The following POU2F1 variants were observed in gnomAD, a reference collection of about 807,000 sequenced individuals.
The protein encoded by POU2F1 is POU class 2 homeobox 1.
In POU2F1, 16 loss-of-function variants were observed where a neutral mutation model predicts 84.9. The ratio of observed to expected loss-of-function variants is 0.19; its 90% CI spans 0.13 to 0.29. POU2F1 has a LOEUF of 0.29. Ranked by LOEUF, POU2F1 falls within the 10% of genes least tolerant of loss-of-function variation. The probability of loss-of-function intolerance (pLI) is 1.00; values close to 1 mark genes in which losing one functional copy is unlikely to be tolerated. For synonymous variants in POU2F1, 368 were observed against 368.3 expected (o/e 1.00, Z 0.01); for missense variants, 738 against 942.6 (o/e 0.78, Z 2.84).
In POU2F1 at chr1:167,292,804, A is replaced by G. The variant is rs184503265; in HGVS notation, c.62-39666A>G. Among the ~76,000 whole-genome samples, 23 of 152,308 alleles carry G rather than the reference A, an allele frequency of 1.5e-4. 1 individual carries two copies. In the South Asian group the frequency reaches 1.7e-3, roughly 11 times the overall value. ...CAGCAGGACATAAAAAAGACAATCC[A>G]CCATGATCAAGTAGGTCTCATCCCA... On this transcript the variant is annotated intron_variant, in intron 1 of 15. Transcript: ENST00000367866.
At chr1:167,283,496 G>C (rs1653309897) in intron 1 of POU2F1, among the ~76,000 whole-genome samples, 1 of 152,180 alleles carries the variant, frequency 6.6e-6, no homozygotes, top group Non-Finnish European at 1.5e-5. Flanking sequence ...TGGTTGGGTA[G>C]ATAGATAAAT....
intron 6 of POU2F1, 76 bp downstream of exon 6, chr1:167,374,372 T>C (rs1471359266): frequency 1.4e-6 from 2 of 1,400,644 alleles, no homozygotes; most frequent in Admixed American, 5.4e-5. Flanking sequence ...TTAGATTAAC[T>C]TTTTGATTGT....
chr1:167,266,701 G>C (rs1382024125), intron 1 of POU2F1, among the ~76,000 whole-genome samples: 2 of 147,816 alleles, frequency 1.4e-5, no homozygotes, highest in Admixed American at 6.9e-5. Flanking sequence ...TTGGCTCACT[G>C]CAATCTCCAC....
At chr1:167,254,573 T>G (rs1650990770) in intron 1 of POU2F1, among the ~76,000 whole-genome samples, 1 of 152,248 alleles carries the variant, frequency 6.6e-6, no homozygotes, top group African/African-American at 2.4e-5. Flanking sequence ...ATTTTACTCA[T>G]TGTTAACAAT....
chr1:167,234,437 G>T (rs1413096760), intron 1 of POU2F1, among the ~76,000 whole-genome samples: 1 of 152,116 alleles, frequency 6.6e-6, no homozygotes, highest in African/African-American at 2.4e-5. Context: ...TTTTTGTTAA[G>T]AATTGTATTT....
intron 7 of POU2F1, among the ~76,000 whole-genome samples, chr1:167,377,836 G>C (rs1660431861): frequency 6.6e-6 from 1 of 152,134 alleles, no homozygotes; most frequent in Non-Finnish European, 1.5e-5. Flanking sequence ...CTACCCTCAA[G>C]TAGGCCCTGG....
At chr1:167,271,516 T>A (rs2102468936) in intron 1 of POU2F1, among the ~76,000 whole-genome samples, 1 of 152,328 alleles carries the variant, frequency 6.6e-6, no homozygotes, top group Admixed American at 6.5e-5. Context: ...TGAAAAGATT[T>A]GGAGCTTTAC....
chr1:167,391,240 T>G (rs1451383376), intron 9 of POU2F1, among the ~76,000 whole-genome samples: 1 of 151,766 alleles, frequency 6.6e-6, no homozygotes, highest in African/African-American at 2.4e-5. Flanking sequence ...GCGCCCAGCC[T>G]GCAAATAATA....
At chr1:167,367,648 C>G (rs1243013905) in intron 3 of POU2F1, among the ~76,000 whole-genome samples, 1 of 152,088 alleles carries the variant, frequency 6.6e-6, no homozygotes, top group Non-Finnish European at 1.5e-5. Context: ...GAACAGTGTT[C>G]ATCTGAAAGC....
intron 1 of POU2F1, among the ~76,000 whole-genome samples, chr1:167,306,670 A>G (rs940044625): frequency 1.3e-5 from 2 of 152,138 alleles, no homozygotes; most frequent in Non-Finnish European, 2.9e-5. Flanking sequence ...AGTCCAGAAT[A>G]AGGTATTAGT....
At chr1:167,401,752 T>A (rs1649223792) in intron 13 of POU2F1, among the ~76,000 whole-genome samples, 196 bp downstream of exon 13, 2 of 152,232 alleles carry the variant, frequency 1.3e-5, no homozygotes, top group African/African-American at 4.8e-5. Flanking sequence ...CAGAAAAACC[T>A]CCAAGTTTGT....
rs1186003858 is a variant in POU2F1, at chr1:167,425,284, A to C, written c.*9474A>C. The C allele has an allele frequency of 2.0e-5, 3 of 152,094 alleles. No individual in the cohort carries two copies. The highest frequency in any genetic ancestry group is 7.2e-5 in the African/African-American group (3 of 41,422). 9.4% of individuals were successfully genotyped at this position (152,094 alleles called of 1,614,324 possible). ...TTCCAGCCAAAACCAAAGATTTCTT[A>C]ATGATTGTATAAACTCAAAACAAAC... On this transcript the variant is annotated 3_prime_UTR_variant, in exon 16 of 16. Coordinates refer to ENST00000367866, the MANE Select transcript of POU2F1 (RefSeq NM_002697.4).
intron 2 of POU2F1, among the ~76,000 whole-genome samples, chr1:167,352,459 A>G (rs1420370537): frequency 2.0e-5 from 3 of 152,224 alleles, no homozygotes; most frequent in Non-Finnish European, 4.4e-5. Flanking sequence ...ATATTTGTGA[A>G]TGAGCATTGA....
intron 1 of POU2F1, among the ~76,000 whole-genome samples, chr1:167,327,908 A>C (rs1427473311): frequency 6.6e-6 from 1 of 152,216 alleles, no homozygotes; most frequent in Non-Finnish European, 1.5e-5. Flanking sequence ...ATATAAGGAA[A>C]GAAAGGGGTA....
chr1:167,358,123 T>C (rs35860839), intron 2 of POU2F1, among the ~76,000 whole-genome samples: 3 of 118,224 alleles, frequency 2.5e-5, no homozygotes, highest in Non-Finnish European at 5.1e-5. Context: ...TTTTCTTTTC[T>C]TTTTTTTTTT....
intron 1 of POU2F1, among the ~76,000 whole-genome samples, chr1:167,287,015 G>A (rs1653576670): frequency 6.6e-6 from 1 of 152,184 alleles, no homozygotes; most frequent in African/African-American, 2.4e-5. Context: ...GCTTTGTGTT[G>A]TACTGGATCT....
intron 1 of POU2F1, among the ~76,000 whole-genome samples, chr1:167,244,926 G>C (rs555828175): frequency 1.3e-5 from 2 of 152,292 alleles, no homozygotes; most frequent in African/African-American, 4.8e-5. Flanking sequence ...GTCAACTTCA[G>C]TTTCTGGAGA....
At chr1:167,222,616 A>G (rs576632976) in intron 1 of POU2F1, among the ~76,000 whole-genome samples, 34 of 151,958 alleles carry the variant, frequency 2.2e-4, no homozygotes, top group African/African-American at 7.2e-4. Context: ...TGATTTATTT[A>G]CTAATAACCA....
At chr1:167,293,182 A>G (rs1029962450) in intron 1 of POU2F1, among the ~76,000 whole-genome samples, 1 of 152,194 alleles carries the variant, frequency 6.6e-6, no homozygotes, top group Non-Finnish European at 1.5e-5. Context: ...GAAAAGAAAT[A>G]AACAGCATCC....
Sources: allele counts gnomAD v4.1 joint callset (sites outside exome capture counted in the v4.1 genomes callset), GRCh38; gene constraint gnomAD v4.1.1; transcripts MANE v1.5; gene names NCBI Gene and HGNC (gene_info 2026-07-23, HGNC 2026-07-21).